Variants in SHPK observed in about 807,000 individuals in gnomAD.
The protein encoded by SHPK is carbohydrate kinase-like protein.
Under a neutral mutation model 46.3 loss-of-function variants are expected in SHPK, and 51 were observed. That is an observed-to-expected ratio of 1.10 (90% CI 0.88 to 1.39). The LOEUF (loss-of-function observed/expected upper bound fraction) is 1.39. Ranked by LOEUF, SHPK falls within the 40% of genes most tolerant of loss-of-function variation. The pLI, the probability that SHPK is intolerant of heterozygous loss-of-function variation, is 0.00. For missense variants in SHPK, 668 were observed against 641.3 expected (o/e 1.04, Z -0.45); for synonymous variants, 290 against 273.9 (o/e 1.06, Z -0.58).
chr17:3,624,223 A>G lies in SHPK; in HGVS notation c.319T>C (p.Trp107Arg). 2 of 1,609,440 alleles carry G rather than the reference A, an allele frequency of 1.2e-6. No homozygotes were observed. Among genetic ancestry groups the G allele is most frequent in the Non-Finnish European group, 8.5e-7 (1 of 1,176,454 alleles). The change falls in exon 3 of 7, where the codon TGG becomes CGG. Residue 107 changes from tryptophan to arginine, a missense_variant. Trp to Arg is a moderately radical substitution (Grantham distance 101, BLOSUM62 -3). Transcript: ENST00000225519. Reference sequence around the variant, plus strand: ...ACCGGGGTAATCCCTCCCTCTGTCCATTCACAGCCTGGAACAAAAGAGATG... The same window carrying G: ...ACCGGGGTAATCCCTCCCTCTGTCCGTTCACAGCCTGGAACAAAAGAGATG... ...VFWKTGQGCE[W>R]TEGGITPVFE...
At position 3,610,919 on chromosome 17, in the gene SHPK, G is replaced by A; in HGVS notation, c.1078C>T (p.Gln360Ter). 6.2e-7 allele frequency: 1 copy of A among 1,613,788 alleles called. No homozygotes were observed. Among genetic ancestry groups the A allele is most frequent in the Non-Finnish European group, 8.5e-7 (1 of 1,179,846 alleles). The stretch of plus-strand genomic sequence containing the variant: ...ATGGTCAGGTGGGTATCTCTCTGCT[G>A]CACAGCTGCCTGAATCATGCGTGAA... ...VYSRMIQAAV[Q>*]QRDTHLTITP... The change falls in exon 7 of 7, where the codon CAG (glutamine) becomes TAG (stop). Residue 360 changes from glutamine (Q) to a stop codon, truncating the protein, a stop_gained. Transcript: ENST00000225519. LOFTEE classifies it high-confidence loss of function.
Position 3,636,211 on chromosome 17 carries a change from C to A in SHPK, c.9G>T (p.Ala3=), listed in dbSNP as rs755169684. 1.2e-6 allele frequency: 2 copies of A among 1,603,106 alleles called. No individual in the cohort carries two copies. The highest frequency in any genetic ancestry group is 2.2e-5 in the South Asian group (2 of 90,330). Residue 3 remains alanine (A), a synonymous_variant, in exon 1 of 7, where the codon GCG becomes GCT. Transcript: ENST00000225519. ...GGTCAATGCCGAGGGTGATCGGCCG[C>A]GCAGCCATTATCTCCCTGACCCGCG... is the stretch of plus-strand genomic sequence containing the variant. MA[A]RPITLGIDLG...
chr17:3,633,276 C>T (rs574397395), intron 1 of SHPK, among the ~76,000 whole-genome samples: 36 of 151,784 alleles, frequency 2.4e-4, no homozygotes, highest in East Asian at 3.9e-4. Flanking sequence ...CCACCGCGCC[C>T]GGCCACAGAT....
At chr17:3,613,340 G>A (rs1567681330) in intron 6 of SHPK, among the ~76,000 whole-genome samples, 1 of 152,172 alleles carries the variant, frequency 6.6e-6, no homozygotes, top group Non-Finnish European at 1.5e-5. Flanking sequence ...TCCAGGGTGT[G>A]GTCAGTGCCA....
chr17:3,624,756 C>A (rs1056240407), intron 2 of SHPK, among the ~76,000 whole-genome samples: 1 of 152,056 alleles, frequency 6.6e-6, no homozygotes, highest in African/African-American at 2.4e-5. Context: ...CAGGTTCAAG[C>A]GATTCTCCTG....
Position 3,610,814 on chromosome 17 carries a change from G to A in SHPK, c.1183C>T (p.Leu395=). The change falls in exon 7 of 7, where the codon CTG becomes TTG. Residue 395 remains leucine (L), a synonymous_variant. Coordinates refer to ENST00000225519, the MANE Select transcript of SHPK (RefSeq NM_013276.4). ...VTRISSSDLS[L]GHVTRALCRG... Reference sequence around the variant, plus strand: ...CACAGAGCCCGGGTCACGTGCCCCAGGGAGAGGTCGGAGGAGGAGATTCTG... The same window carrying A: ...CACAGAGCCCGGGTCACGTGCCCCAAGGAGAGGTCGGAGGAGGAGATTCTG... 6.2e-7 allele frequency: 1 copy of A among 1,614,196 alleles called. No homozygotes were observed. The highest frequency in any genetic ancestry group is 8.5e-7 in the Non-Finnish European group (1 of 1,180,026).
intron 2 of SHPK, among the ~76,000 whole-genome samples, chr17:3,625,060 C>G (rs908743833): frequency 1.3e-5 from 2 of 152,154 alleles, no homozygotes; most frequent in Non-Finnish European, 2.9e-5. Context: ...TGCCCTTATT[C>G]AGTGATTTCT....
rs184944084 is a variant in SHPK at position 3,632,744 on chromosome 17, C to G, written c.169-2398G>C. On this transcript the variant is annotated intron_variant, in intron 1 of 6. Transcript: ENST00000225519. The stretch of plus-strand genomic sequence containing the variant: ...CACAGTACTTAGAAGCTCATTAAAT[C>G]CTACTCCTCAGGCCTCTTTTTACAG... 2.6e-5 allele frequency among the ~76,000 whole-genome samples: 4 copies of G among 152,164 alleles called. No homozygotes were observed. In the East Asian group the frequency reaches 7.7e-4, roughly 29 times the overall value.
chr17:3,628,059 G>A (rs777609782), intron 2 of SHPK, among the ~76,000 whole-genome samples: 6 of 151,816 alleles, frequency 4.0e-5, no homozygotes, highest in African/African-American at 1.2e-4. Context: ...GTGATTAAAC[G>A]GTGCATCACC....
At chr17:3,612,386 A>G (rs1295927823) in intron 6 of SHPK, among the ~76,000 whole-genome samples, 1 of 150,858 alleles carries the variant, frequency 6.6e-6, no homozygotes, top group Non-Finnish European at 1.5e-5. Flanking sequence ...AGATGGTGCC[A>G]CTGCACTCCA....
At chr17:3,628,088 C>T (rs914673667) in intron 2 of SHPK, among the ~76,000 whole-genome samples, 4 of 152,076 alleles carry the variant, frequency 2.6e-5, no homozygotes, top group Admixed American at 1.3e-4. Flanking sequence ...GTCCCACTGA[C>T]AGGCAGGTCA....
chr17:3,626,578 C>T (rs2075438758), intron 2 of SHPK, among the ~76,000 whole-genome samples: 1 of 151,934 alleles, frequency 6.6e-6, no homozygotes, highest in South Asian at 2.1e-4. Context: ...AAAAATTAGC[C>T]GGGCGTGATG....
chr17:3,623,009 A>G (rs964883979), intron 4 of SHPK, among the ~76,000 whole-genome samples: 10 of 152,104 alleles, frequency 6.6e-5, no homozygotes, highest in African/African-American at 2.4e-4. Flanking sequence ...CTGGCTCTCT[A>G]AGTTTAAGTA....
In SHPK at chr17:3,624,111, T is replaced by C. The variant is rs746119807; in HGVS notation, c.431A>G (p.Lys144Arg). 31 of 1,614,020 alleles carry C rather than the reference T, an allele frequency of 1.9e-5. No individual in the cohort carries two copies. Among genetic ancestry groups the C allele is most frequent in the Non-Finnish European group, 2.4e-5 (28 of 1,179,998 alleles). Residue 144 changes from lysine (K) to arginine (R), a missense_variant, in exon 3 of 7, where the codon AAG (lysine) becomes AGG (arginine). Physicochemically the swap from Lys to Arg is conservative, Grantham distance 26 (BLOSUM62 2). Coordinates refer to ENST00000225519, the MANE Select transcript of SHPK (RefSeq NM_013276.4). Reference protein sequence around the residue: ...SEFLASLPQPKSHLSVATGFG... With the variant: ...SEFLASLPQPRSHLSVATGFG... ...GCCCGTGGCCACACTGAGATGAGACTTCGGCTGGGGCAGAGAGGCCAGGAA... is the reference window on the plus strand; with the variant it reads ...GCCCGTGGCCACACTGAGATGAGACCTCGGCTGGGGCAGAGAGGCCAGGAA...
In SHPK at chr17:3,621,242, T is replaced by C; in HGVS notation, c.818A>G (p.Asp273Gly). 1 of 1,609,894 alleles carries C rather than the reference T, an allele frequency of 6.2e-7. No individual in the cohort carries two copies. Among genetic ancestry groups the C allele is most frequent in the Non-Finnish European group, 8.5e-7 (1 of 1,178,268 alleles). The change falls in exon 5 of 7, where the codon GAT (aspartate) becomes GGT (glycine). Residue 273 changes from aspartate to glycine, a missense_variant. Transcript: ENST00000225519. ...SVYSCMAQRT[D>G]AVLNISTSVQ... is the part of the protein sequence containing the mutation. ...AGAACAAAAGAAAAACTTACCTGCA[T>C]CTGTCCTCTGGGCCATGCAGGAATA...
chr17:3,620,308 C>T (rs945621644), intron 5 of SHPK, among the ~76,000 whole-genome samples: 8 of 151,820 alleles, frequency 5.3e-5, no homozygotes, highest in African/African-American at 1.7e-4. Flanking sequence ...TCGCCCAGGC[C>T]GGAGTGCAGT....
chr17:3,630,742 T>C (rs1015789950), intron 1 of SHPK, among the ~76,000 whole-genome samples: 1 of 152,154 alleles, frequency 6.6e-6, no homozygotes, highest in Non-Finnish European at 1.5e-5. Flanking sequence ...CATGCACCTG[T>C]AATCCCAGCT....
chr17:3,625,308 C>T (rs1315679882), intron 2 of SHPK, among the ~76,000 whole-genome samples: 1 of 152,156 alleles, frequency 6.6e-6, no homozygotes, highest in African/African-American at 2.4e-5. Context: ...ATAGAATCAC[C>T]TTGGTGACGT....
chr17:3,619,283 C>T (rs752316593), intron 5 of SHPK: 9 of 807,914 alleles, frequency 1.1e-5, no homozygotes, highest in Admixed American at 4.0e-5. Flanking sequence ...TTTCAATAAA[C>T]GTGGCCAGCT....
Sources: allele counts gnomAD v4.1 joint callset (sites outside exome capture counted in the v4.1 genomes callset), GRCh38; gene constraint gnomAD v4.1.1; transcripts MANE v1.5; gene names NCBI Gene and HGNC (gene_info 2026-07-23, HGNC 2026-07-21).